ASAH2: variants seen among roughly 807,000 people sequenced by gnomAD.
ASAH2 encodes N-acylsphingosine amidohydrolase 2, also known as neutral ceramidase.
ASAH2 carries 58 observed loss-of-function variants against 82.9 expected under a neutral mutation model. The observed-to-expected ratio is 0.70, with a 90% CI of 0.57 to 0.87. ASAH2 has a LOEUF of 0.87. Ranked by LOEUF, ASAH2 falls within the 40% of genes least tolerant of loss-of-function variation. The probability of loss-of-function intolerance (pLI) is 0.00; values close to 1 mark genes in which losing one functional copy is unlikely to be tolerated. For missense variants in ASAH2, 779 were observed against 834.0 expected (o/e 0.93, Z 0.81); for synonymous variants, 276 against 289.7 (o/e 0.95, Z 0.48).
chr10:50,235,500 C>T (rs987566745), intron 5 of ASAH2, among the ~76,000 whole-genome samples: 20 of 151,978 alleles, frequency 1.3e-4, no homozygotes, highest in Non-Finnish European at 2.1e-4. Flanking sequence ...TCTCTTTGTA[C>T]TTTGGGAAAT....
At chr10:50,240,161 T>C (rs1010568338) in intron 4 of ASAH2, among the ~76,000 whole-genome samples, 9 of 152,246 alleles carry the variant, frequency 5.9e-5, no homozygotes, top group Middle Eastern at 3.4e-3. Context: ...CACCACCACG[T>C]AGTCTCACTG....
chr10:50,220,475 C>T (rs1029436964), intron 7 of ASAH2, among the ~76,000 whole-genome samples: 26 of 113,008 alleles, frequency 2.3e-4, no homozygotes, highest in Admixed American at 6.3e-4. Flanking sequence ...TGTCCTTTGC[C>T]GGAACATAGA....
At chr10:50,246,015 A>G (rs1232190251) in intron 2 of ASAH2, among the ~76,000 whole-genome samples, 1 of 152,152 alleles carries the variant, frequency 6.6e-6, no homozygotes, top group Non-Finnish European at 1.5e-5. Context: ...CACTGTATAC[A>G]TGTTGATATA....
intron 16 of ASAH2, among the ~76,000 whole-genome samples, chr10:50,202,334 C>T (rs1845170808): frequency 6.6e-6 from 1 of 151,910 alleles, no homozygotes; most frequent in Non-Finnish European, 1.5e-5. Context: ...GAAATATTAC[C>T]AGCTACCAGC....
At chr10:50,231,808 A>G (rs991352575) in intron 7 of ASAH2, among the ~76,000 whole-genome samples, 1 of 152,188 alleles carries the variant, frequency 6.6e-6, no homozygotes, top group African/African-American at 2.4e-5. Flanking sequence ...CAAGCATTCT[A>G]ATATGCTGGT....
At chr10:50,209,982 T>C (rs1845407378) in intron 12 of ASAH2, among the ~76,000 whole-genome samples, 1 of 152,122 alleles carries the variant, frequency 6.6e-6, no homozygotes, top group African/African-American at 2.4e-5. Flanking sequence ...TCTGGCAGCT[T>C]CTCAGATGAT....
chr10:50,248,338 T>C, intron 2 of ASAH2, 146 bp downstream of exon 2: 1 of 989,702 alleles, frequency 1.0e-6, no homozygotes, highest in Non-Finnish European at 1.5e-6. Flanking sequence ...GAATGGGCAA[T>C]TAATGCAAAG....
intron 4 of ASAH2, among the ~76,000 whole-genome samples, chr10:50,241,990 C>T (rs1846309407): frequency 6.6e-6 from 1 of 151,860 alleles, no homozygotes; most frequent in African/African-American, 2.4e-5. Flanking sequence ...AGCTATGTAA[C>T]AAAACTCCAC....
intron 7 of ASAH2, among the ~76,000 whole-genome samples, chr10:50,232,111 C>T (rs1383827466): frequency 6.6e-6 from 1 of 152,082 alleles, no homozygotes; most frequent in Non-Finnish European, 1.5e-5. Context: ...TGTTGTTCTC[C>T]ACCTAGTTTT....
At chr10:50,210,225 G>C (rs1783227472) in intron 12 of ASAH2, among the ~76,000 whole-genome samples, 3 of 152,154 alleles carry the variant, frequency 2.0e-5, no homozygotes, top group Admixed American at 6.5e-5. Context: ...ATGAGGCTGG[G>C]AGCAGTGGCT....
At chr10:50,202,376 G>C (rs956345828) in intron 16 of ASAH2, among the ~76,000 whole-genome samples, 7 of 152,066 alleles carry the variant, frequency 4.6e-5, no homozygotes, top group African/African-American at 1.7e-4. Flanking sequence ...TCTGTTTCTT[G>C]ATATATATCA....
intron 4 of ASAH2, among the ~76,000 whole-genome samples, chr10:50,237,489 C>G (rs1846191052): frequency 1.3e-5 from 2 of 152,198 alleles, no homozygotes; most frequent in Admixed American, 1.3e-4. Context: ...AACCAAGCCA[C>G]TCTGGGAATC....
intron 4 of ASAH2, among the ~76,000 whole-genome samples, chr10:50,238,448 A>G (rs1212872347): frequency 6.6e-6 from 1 of 152,132 alleles, no homozygotes; most frequent in Non-Finnish European, 1.5e-5. Flanking sequence ...GTATAATATA[A>G]CAAGACTAAC....
intron 8 of ASAH2, among the ~76,000 whole-genome samples, chr10:50,218,176 A>C (rs2133212570): frequency 6.6e-6 from 1 of 152,328 alleles, no homozygotes; most frequent in East Asian, 1.9e-4. Flanking sequence ...AGCTCTAAAA[A>C]CAAAAGTAAA....
intron 4 of ASAH2, 25 bp from the exon 5 acceptor site, chr10:50,236,089 T>G: frequency 6.2e-7 from 1 of 1,604,112 alleles, no homozygotes; most frequent in South Asian, 1.1e-5. Flanking sequence ...GTAATTGAAC[T>G]AAGAAGAGGG....
rs1845436910 is a variant in ASAH2, at chr10:50,210,881, C to T, written c.1356G>A (p.Leu452=). The part of the protein sequence containing the change: ...THASKTCKPA[L]GYSFAAGTID... ...TAGTGCCAGCTGCAAAACTGTAGCC[C>T]AATGCTGGTTTACATGTTTTTGACT... Residue 452 remains leucine (L), a synonymous_variant, in exon 12 of 21, where the codon TTG becomes TTA. Transcript: ENST00000682911. 1 of 1,613,444 alleles carries T rather than the reference C, an allele frequency of 6.2e-7. No homozygotes were observed. Among genetic ancestry groups the T allele is most frequent in the South Asian group, 1.1e-5 (1 of 91,070 alleles).
chr10:50,195,620 A>G (rs1844954934), intron 18 of ASAH2, among the ~76,000 whole-genome samples: 1 of 151,798 alleles, frequency 6.6e-6, no homozygotes, highest in African/African-American at 2.4e-5. Flanking sequence ...ACTGTTCACA[A>G]TAGCCAAGAT....
At chr10:50,205,885 T>A in intron 13 of ASAH2, 97 bp downstream of exon 13, 2 of 1,016,768 alleles carry the variant, frequency 2.0e-6, no homozygotes, top group East Asian at 4.8e-5. Flanking sequence ...AAATAAGACT[T>A]CCCATCTCAG....
At chr10:50,215,765 G>T (rs1673768741) in intron 8 of ASAH2, among the ~76,000 whole-genome samples, 1 of 152,012 alleles carries the variant, frequency 6.6e-6, no homozygotes, top group Admixed American at 6.6e-5. Context: ...ATTCCTCAAG[G>T]ATCTAGAACC....
Sources: allele counts gnomAD v4.1 joint callset (sites outside exome capture counted in the v4.1 genomes callset), GRCh38; gene constraint gnomAD v4.1.1; transcripts MANE v1.5; gene names NCBI Gene and HGNC (gene_info 2026-07-23, HGNC 2026-07-21).